CFAP251: variants seen among roughly 807,000 people sequenced by gnomAD.
The protein encoded by CFAP251 is cilia and flagella associated protein 251.
Under a neutral mutation model 126.7 loss-of-function variants are expected in CFAP251, and 93 were observed. The observed-to-expected ratio is 0.73, with a 90% CI of 0.62 to 0.87. The LOEUF is 0.87. Ranked by LOEUF, CFAP251 falls within the 40% of genes least tolerant of loss-of-function variation. The pLI, the probability that CFAP251 is intolerant of heterozygous loss-of-function variation, is 0.00. For missense variants in CFAP251, 1,287 were observed against 1,389.2 expected, an observed-to-expected ratio of 0.93 and a Z score of 1.17; for synonymous variants, 503 against 506.9, an observed-to-expected ratio of 0.99 and a Z score of 0.10.
At position 121,994,267 on chromosome 12, in the gene CFAP251, G is replaced by C. The variant is rs1457334141; in HGVS notation, c.3007-5449G>C. The stretch of plus-strand genomic sequence containing the variant: ...GCCCCTCTGCCCGGCCAGCCGCCCC[G>C]TCCGGGAGGGAGGTGGGGGGGTCAG... On this transcript the variant is annotated intron_variant, in intron 19 of 21. Coordinates refer to ENST00000288912, the MANE Select transcript of CFAP251 (RefSeq NM_144668.6). Among the ~76,000 whole-genome samples, 2 of 42,492 alleles carry C rather than the reference G, an allele frequency of 4.7e-5. 1 individual carries two copies. Among genetic ancestry groups the C allele is most frequent in the Non-Finnish European group, 1.1e-4 (2 of 18,196 alleles). The allele number at this position is 42,492 out of a possible 152,430, so 27.9% of individuals were successfully genotyped here. A position where few individuals can be genotyped will look rare whatever the true frequency, so the allele number is the denominator to read the frequency against.
At chr12:121,930,379 C>T (rs58326739) in intron 3 of CFAP251, among the ~76,000 whole-genome samples, 12,180 of 151,654 alleles carry the variant, frequency 0.08, 940 homozygotes, top group African/African-American at 0.2. Flanking sequence ...CCAAGCTACT[C>T]GGGAGGCTGA....
At position 121,975,214 on chromosome 12, in the gene CFAP251, C is replaced by G. The variant is rs547990032; in HGVS notation, c.2772-30C>G. The stretch of plus-strand genomic sequence containing the variant: ...AGCCATGCTCATGCTTGAGCGCTTT[C>G]TAATAGAGACATTTCTGTTGTTGTT... On this transcript the variant is annotated intron_variant, in intron 17 of 21. Coordinates refer to ENST00000288912, the MANE Select transcript of CFAP251 (RefSeq NM_144668.6). 5.0e-6 allele frequency: 8 copies of G among 1,604,362 alleles called. No homozygotes were observed. In the African/African-American group the frequency reaches 5.3e-5, roughly 11 times the overall value.
chr12:121,982,402 G>A (rs12369331), intron 19 of CFAP251, among the ~76,000 whole-genome samples: 48,240 of 148,332 alleles, frequency 0.33, 10,062 homozygotes, highest in Non-Finnish European at 0.48. Flanking sequence ...TTTTTGAGAC[G>A]GAGTTTCACT....
chr12:121,965,129 G>T (rs1222161480), intron 15 of CFAP251, among the ~76,000 whole-genome samples: 1 of 152,076 alleles, frequency 6.6e-6, no homozygotes, highest in African/African-American at 2.4e-5. Flanking sequence ...ATGTAAAAAT[G>T]CATTTAAAAA....
At chr12:121,941,516 T>G (rs1368220870) in intron 5 of CFAP251, among the ~76,000 whole-genome samples, 1 of 151,882 alleles carries the variant, frequency 6.6e-6, no homozygotes, top group Non-Finnish European at 1.5e-5. Context: ...CTATTTTTGG[T>G]AGAGATAGGG....
chr12:121,921,286 A>G lies in CFAP251; in HGVS notation c.-20A>G. ...GTTATTATGGTCAAAATCTCTCTAG[A>G]GGAAACTCTACAGAGAAGAATGTCA... is the stretch of plus-strand genomic sequence containing the variant. On this transcript the variant is annotated splice_region_variant and 5_prime_UTR_variant, in exon 2 of 22. Transcript: ENST00000288912. 1.3e-6 allele frequency: 2 copies of G among 1,554,348 alleles called. No individual in the cohort carries two copies. The highest frequency in any genetic ancestry group is 1.7e-6 in the Non-Finnish European group (2 of 1,158,100).
At chr12:121,983,419 G>T (rs1479916122) in intron 19 of CFAP251, among the ~76,000 whole-genome samples, 3 of 151,308 alleles carry the variant, frequency 2.0e-5, no homozygotes, top group Non-Finnish European at 2.9e-5. Flanking sequence ...AAAAGGTAAG[G>T]AAGTGTCTAA....
chr12:121,990,662 T>C (rs1882856770), intron 19 of CFAP251, among the ~76,000 whole-genome samples: 2 of 152,200 alleles, frequency 1.3e-5, no homozygotes, highest in African/African-American at 4.8e-5. Context: ...ATCTTGGCAC[T>C]GAATCTTCTA....
chr12:121,958,772 G>T (rs555294047), intron 12 of CFAP251, among the ~76,000 whole-genome samples, 171 bp from the exon 13 acceptor site: 1 of 152,214 alleles, frequency 6.6e-6, no homozygotes, highest in African/African-American at 2.4e-5. Context: ...CTATCTGTGC[G>T]TCTCTGCGCG....
intron 1 of CFAP251, among the ~76,000 whole-genome samples, chr12:121,919,065 A>G (rs1052813728): frequency 2.0e-5 from 3 of 152,078 alleles, no homozygotes; most frequent in African/African-American, 7.2e-5. Context: ...TAGCGGTGTC[A>G]TCTTGAATAA....
At chr12:121,968,925 G>A (rs1651732725) in intron 17 of CFAP251, 2 of 985,302 alleles carry the variant, frequency 2.0e-6, no homozygotes, top group African/African-American at 1.7e-5. Flanking sequence ...CTAATAAAGA[G>A]GGGACAAGCA....
chr12:121,931,376 G>A (rs1262828807), intron 3 of CFAP251, among the ~76,000 whole-genome samples: 2 of 150,382 alleles, frequency 1.3e-5, no homozygotes, highest in African/African-American at 2.5e-5. Flanking sequence ...GCGATGGCGC[G>A]ATCTCGGCTC....
chr12:121,931,823 G>A lies in CFAP251; in HGVS notation c.825G>A (p.Leu275=). 1 of 1,606,728 alleles carries A rather than the reference G, an allele frequency of 6.2e-7. No homozygotes were observed. Residue 275 remains leucine, a synonymous_variant, in exon 4 of 22, where the codon CTG becomes CTA. Coordinates refer to ENST00000288912, the MANE Select transcript of CFAP251 (RefSeq NM_144668.6). ...GAGAGGAAAGGCAGAGAGTTCTTCT[G>A]TATGTTTGTGCTCACACTGCGATCA... ...YIREERQRVL[L]YVCAHTAIIY... is the part of the protein sequence containing the mutation.
At chr12:121,954,651 A>AAAAAAC (rs1881657088) in intron 10 of CFAP251, among the ~76,000 whole-genome samples, 1 of 148,420 alleles carries the variant, frequency 6.7e-6, no homozygotes, top group South Asian at 2.1e-4. Context: ...AAAAAAAAAA[A>AAAAAAC]AAAAAAAAAA....
At chr12:121,993,739 C>A (rs1172565791) in intron 19 of CFAP251, among the ~76,000 whole-genome samples, 1 of 151,310 alleles carries the variant, frequency 6.6e-6, no homozygotes, top group African/African-American at 2.4e-5. Flanking sequence ...GGCAACCACC[C>A]CGTCTGAGAA....
intron 17 of CFAP251, chr12:121,971,475 TC>T: frequency 1.4e-6 from 1 of 699,024 alleles, no homozygotes; most frequent in South Asian, 1.5e-5. Context: ...GCCGTAATAA[TC>T]CCAACCACTT....
intron 4 of CFAP251, chr12:121,933,219 G>A (rs1056294299): frequency 6.6e-6 from 1 of 152,244 alleles, no homozygotes; most frequent in Non-Finnish European, 1.5e-5. Flanking sequence ...GGTAAGAGAA[G>A]ACTTAACTTT....
At chr12:121,978,000 TAAAAAC>T (rs987884134) in intron 19 of CFAP251, among the ~76,000 whole-genome samples, 1 of 151,174 alleles carries the variant, frequency 6.6e-6, no homozygotes, top group African/African-American at 2.4e-5. Context: ...TAAAATAAAA[TAAAAAC>T]AAACAAAAAA....
intron 19 of CFAP251, among the ~76,000 whole-genome samples, chr12:121,990,426 G>A (rs73415673): frequency 0.036 from 5,513 of 152,258 alleles, 335 homozygotes; most frequent in African/African-American, 0.12. Context: ...GAGAAGCCTC[G>A]GGTTCAGGTA....
Sources: allele counts gnomAD v4.1 joint callset (sites outside exome capture counted in the v4.1 genomes callset), GRCh38; gene constraint gnomAD v4.1.1; transcripts MANE v1.5; gene names NCBI Gene and HGNC (gene_info 2026-07-23, HGNC 2026-07-21).